Variants in DUSP29 observed in about 807,000 individuals in gnomAD.
The protein encoded by DUSP29 is dual specificity phosphatase 29.
A neutral mutation model predicts 13.5 loss-of-function variants in DUSP29; 12 were observed. That is an observed-to-expected ratio of 0.89 (90% CI 0.57 to 1.44). DUSP29 has a LOEUF of 1.44. Ranked by LOEUF, DUSP29 falls within the 40% of genes most tolerant of loss-of-function variation. DUSP29 has a pLI of 0.00. For synonymous variants in DUSP29, 134 were observed against 128.7 expected (o/e 1.04, Z -0.28); for missense variants, 308 against 301.1 (o/e 1.02, Z -0.17).
chr10:75,046,132 A>AG (rs1846702504), intron 2 of DUSP29, among the ~76,000 whole-genome samples: 1 of 143,210 alleles, frequency 7.0e-6, no homozygotes, highest in Admixed American at 7.6e-5. Flanking sequence ...AGAAAAGAAA[A>AG]AAGAAAGAAA....
At chr10:75,055,670 A>AT (rs1200182684) in intron 2 of DUSP29, among the ~76,000 whole-genome samples, 1 of 152,212 alleles carries the variant, frequency 6.6e-6, no homozygotes, top group Non-Finnish European at 1.5e-5. Flanking sequence ...GAGAGTGGTG[A>AT]TGTTTGCACA....
chr10:75,038,601 G>A (rs903902028), intron 3 of DUSP29, among the ~76,000 whole-genome samples: 1 of 151,958 alleles, frequency 6.6e-6, no homozygotes, highest in Non-Finnish European at 1.5e-5. Context: ...AATTCTTTCT[G>A]TCATGACTCA....
intron 2 of DUSP29, among the ~76,000 whole-genome samples, chr10:75,056,346 A>G (rs891516973): frequency 8.6e-5 from 13 of 151,990 alleles, no homozygotes; most frequent in Non-Finnish European, 4.4e-5. Context: ...TGGCCAACAC[A>G]GTGAAATCCT....
rs757011529 is a variant in DUSP29, at chr10:75,038,075, T to C, written c.424A>G (p.Lys142Glu). The change falls in exon 4 of 4, where the codon AAG (lysine) becomes GAG (glutamate). Residue 142 changes from lysine (K) to glutamate (E), a missense_variant and splice_region_variant. By Grantham distance (56) the Lys-to-Glu change is moderately conservative. Transcript: ENST00000338487. The stretch of plus-strand genomic sequence containing the variant: ...CCCATGACGCAGTGAACCAGGATCT[T>C]ACCTGCAGATGGAGCAGGGAGGAGA... ...IDRALSDDHSKILVHCVMGRS... is the reference protein window; with the variant it reads ...IDRALSDDHSEILVHCVMGRS... The C allele has an allele frequency of 3.7e-6, 6 of 1,612,032 alleles. No individual in the cohort carries two copies. In the African/African-American group the frequency reaches 4.0e-5, roughly 11 times the overall value.
chr10:75,058,236 T>C (rs1243667500), intron 2 of DUSP29, 79 bp downstream of exon 2: 1 of 1,503,050 alleles, frequency 6.7e-7, no homozygotes, highest in Middle Eastern at 2.4e-4. Context: ...CCAAAGCCCA[T>C]GGCTAGGAGG....
chr10:75,073,392 T>C (rs1847376925), intron 1 of DUSP29, among the ~76,000 whole-genome samples, 177 bp downstream of exon 1: 1 of 152,194 alleles, frequency 6.6e-6, no homozygotes, highest in Non-Finnish European at 1.5e-5. Context: ...TGGAGAAAAT[T>C]CCATGGTGTC....
chr10:75,065,385 G>T (rs1589868782), intron 1 of DUSP29, among the ~76,000 whole-genome samples: 1 of 150,922 alleles, frequency 6.6e-6, no homozygotes, highest in East Asian at 1.9e-4. Context: ...TTTTTTTTGA[G>T]ACAGAGTCTT....
intron 2 of DUSP29, among the ~76,000 whole-genome samples, chr10:75,049,255 A>C (rs1419194584): frequency 6.6e-6 from 1 of 152,208 alleles, no homozygotes; most frequent in East Asian, 1.9e-4. Context: ...GTAAAGGCAT[A>C]AGGTGGCCTC....
chr10:75,053,692 GT>G (rs768193986), intron 2 of DUSP29, among the ~76,000 whole-genome samples: 384 of 142,982 alleles, frequency 2.7e-3, no homozygotes, highest in African/African-American at 3.2e-3. Flanking sequence ...GACTGACCAT[GT>G]TTTTTTTTTT....
intron 2 of DUSP29, among the ~76,000 whole-genome samples, chr10:75,046,445 C>T (rs1055068905): frequency 3.2e-4 from 48 of 152,356 alleles, no homozygotes; most frequent in Non-Finnish European, 5.3e-4. Flanking sequence ...GGGACCAACA[C>T]CCTGAGCCAG....
At chr10:75,066,847 G>T (rs868825128) in intron 1 of DUSP29, among the ~76,000 whole-genome samples, 1 of 152,172 alleles carries the variant, frequency 6.6e-6, no homozygotes, top group Non-Finnish European at 1.5e-5. Context: ...TCAGGCCTCC[G>T]TGGTGTCAGA....
chr10:75,044,894 G>A lies in DUSP29; in HGVS notation c.201-877C>T, dbSNP rs140043499. Among the ~76,000 whole-genome samples the A allele has an allele frequency of 8.3e-3, 1,268 of 152,290 alleles. 22 individuals are homozygous for A. Among genetic ancestry groups the A allele is most frequent in the African/African-American group, 0.025 (1,057 of 41,562 alleles). ...ATTTGGTGATGGAGGGGAAGAAGGAGGCAAGCGCGGGCCAAGCCAAGGAAA... is the reference window on the plus strand; with the variant it reads ...ATTTGGTGATGGAGGGGAAGAAGGAAGCAAGCGCGGGCCAAGCCAAGGAAA... On this transcript the variant is annotated intron_variant, in intron 2 of 3. Transcript: ENST00000338487.
At chr10:75,048,397 T>C (rs1846748306) in intron 2 of DUSP29, among the ~76,000 whole-genome samples, 1 of 149,416 alleles carries the variant, frequency 6.7e-6, no homozygotes, top group Non-Finnish European at 1.5e-5. Context: ...ACTTTTTTTT[T>C]CTTTTTTTTT....
At chr10:75,071,186 G>A (rs940538271) in intron 1 of DUSP29, among the ~76,000 whole-genome samples, 1 of 152,252 alleles carries the variant, frequency 6.6e-6, no homozygotes, top group Admixed American at 6.5e-5. Context: ...TAGTATTTGT[G>A]TCTCCGTGTC....
At chr10:75,070,349 C>A (rs901951549) in intron 1 of DUSP29, among the ~76,000 whole-genome samples, 4 of 152,180 alleles carry the variant, frequency 2.6e-5, no homozygotes, top group Admixed American at 6.5e-5. Flanking sequence ...GCCTGGGCCT[C>A]TCAATTCTGT....
chr10:75,059,294 G>A (rs931206609), intron 1 of DUSP29, among the ~76,000 whole-genome samples: 1 of 152,104 alleles, frequency 6.6e-6, no homozygotes, highest in Non-Finnish European at 1.5e-5. Flanking sequence ...ATGTGGGAGA[G>A]GACTTTCCAT....
At chr10:75,058,871 G>C (rs1407480348) in intron 1 of DUSP29, among the ~76,000 whole-genome samples, 2 of 152,268 alleles carry the variant, frequency 1.3e-5, no homozygotes, top group Middle Eastern at 3.4e-3. Flanking sequence ...TTACTCCTTT[G>C]GTTCCTACTT....
At chr10:75,063,316 ACTACAGGTGC>A (rs1336795793) in intron 1 of DUSP29, among the ~76,000 whole-genome samples, 1 of 152,306 alleles carries the variant, frequency 6.6e-6, no homozygotes, top group Middle Eastern at 3.4e-3. Context: ...GATAGCATCT[ACTACAGGTGC>A]CTACAGGTGC....
At chr10:75,073,346 C>T (rs556458819) in intron 1 of DUSP29, among the ~76,000 whole-genome samples, 7 of 152,320 alleles carry the variant, frequency 4.6e-5, no homozygotes, top group African/African-American at 9.6e-5. Flanking sequence ...TAGAAATGGT[C>T]GTTGAACTGG....
Sources: allele counts gnomAD v4.1 joint callset (sites outside exome capture counted in the v4.1 genomes callset), GRCh38; gene constraint gnomAD v4.1.1; transcripts MANE v1.5; gene names NCBI Gene and HGNC (gene_info 2026-07-23, HGNC 2026-07-21).